EVC: variants seen among roughly 807,000 people sequenced by gnomAD.
EVC encodes the protein evC complex member EVC.
A neutral mutation model predicts 118.9 loss-of-function variants in EVC; 116 were observed. That is an observed-to-expected ratio of 0.98 (90% CI 0.84 to 1.14). The LOEUF (loss-of-function observed/expected upper bound fraction) is 1.14. Among genes scored for constraint, EVC ranks in the 50% most tolerant of loss-of-function variants. The pLI is 0.00. For synonymous variants in EVC, 619 were observed against 534.7 expected (o/e 1.16, Z -2.18); for missense variants, 1,401 against 1,246.4 (o/e 1.12, Z -1.87).
chr4:5,758,560 T>G (rs1338467214), intron 11 of EVC, among the ~76,000 whole-genome samples: 1 of 152,114 alleles, frequency 6.6e-6, no homozygotes, highest in East Asian at 1.9e-4. Context: ...AAGGAACAAC[T>G]TTGTCCCCAG....
chr4:5,736,156 G>A (rs779364957), intron 5 of EVC, among the ~76,000 whole-genome samples: 1 of 152,146 alleles, frequency 6.6e-6, no homozygotes, highest in Non-Finnish European at 1.5e-5. Flanking sequence ...AACAGATTGG[G>A]GGCATGGAGG....
At chr4:5,786,362 G>A (rs1711587272) in intron 12 of EVC, among the ~76,000 whole-genome samples, 1 of 152,158 alleles carries the variant, frequency 6.6e-6, no homozygotes. Flanking sequence ...AATAGACTAT[G>A]CTCAGCTCTG....
At chr4:5,758,330 G>C (rs1731502221) in intron 11 of EVC, 1 of 541,632 alleles carries the variant, frequency 1.8e-6, no homozygotes, top group Non-Finnish European at 3.3e-6. Context: ...GCGGCGCTTT[G>C]TCATGGCAGC....
rs953969152 is a variant in EVC at position 5,811,414 on chromosome 4, T to G, written c.*377T>G. ...AGGCCTGTCTGGGCCCATCTGGGGC[T>G]GAGGACACACAGATACATAATGACA... On this transcript the variant is annotated 3_prime_UTR_variant, in exon 21 of 21. Coordinates refer to ENST00000264956, the MANE Select transcript of EVC (RefSeq NM_153717.3). 3.2e-6 allele frequency: 1 copy of G among 314,266 alleles called. No individual in the cohort carries two copies. Among genetic ancestry groups the G allele is most frequent in the Non-Finnish European group, 6.1e-6 (1 of 164,064 alleles). 19.5% of individuals were successfully genotyped at this position (314,266 alleles called of 1,614,324 possible).
At chr4:5,761,900 G>C (rs1361262274) in intron 11 of EVC, among the ~76,000 whole-genome samples, 1 of 151,434 alleles carries the variant, frequency 6.6e-6, no homozygotes, top group African/African-American at 2.4e-5. Context: ...TGGCAGCTTA[G>C]AATTTTTTTT....
intron 2 of EVC, among the ~76,000 whole-genome samples, chr4:5,726,960 C>G (rs1254342459): frequency 4.6e-5 from 7 of 152,034 alleles, no homozygotes; most frequent in Admixed American, 3.3e-4. Context: ...TTTTCTTAAT[C>G]CAGTCTATCA....
chr4:5,825,387 CT>C, the EVC span: 1 of 1,467,304 alleles, frequency 6.8e-7, no homozygotes, highest in African/African-American at 1.5e-5. This position sits in a 1 kb window ranked among gnomAD's most constrained non-coding sequence, Gnocchi z 4.4. Context: ...TTCCCTGCTT[CT>C]TCATCTAGTG....
intron 5 of EVC, 106 bp from the exon 6 acceptor site, chr4:5,741,610 G>A: frequency 1.5e-6 from 1 of 672,556 alleles, no homozygotes; most frequent in East Asian, 2.8e-5. Context: ...AAGAAAAGAA[G>A]GAGAGAGGCA....
At chr4:5,825,703 G>T in the EVC span, 4 of 1,597,612 alleles carry the variant, frequency 2.5e-6, no homozygotes, top group South Asian at 3.4e-5. The surrounding 1 kb of genome is among the most constrained non-coding windows in gnomAD (Gnocchi z 4.4). Context: ...CACTGTGCAT[G>T]TGTGCCCTTC....
chr4:5,736,455 T>A (rs4689315), intron 5 of EVC, among the ~76,000 whole-genome samples: 6 of 151,746 alleles, frequency 4.0e-5, no homozygotes, highest in Admixed American at 6.6e-5. Context: ...ACTTTGTGCC[T>A]GCACACCTGG....
chr4:5,785,983 A>G (rs1254299828), intron 12 of EVC, among the ~76,000 whole-genome samples: 1 of 152,186 alleles, frequency 6.6e-6, no homozygotes, highest in Admixed American at 6.5e-5. Context: ...AAATGAGTGT[A>G]GGGGCCTTTT....
chr4:5,784,606 ATTTTTT>A (rs35237111), intron 12 of EVC, among the ~76,000 whole-genome samples: 4 of 111,218 alleles, frequency 3.6e-5, no homozygotes, highest in South Asian at 3.0e-4. Context: ...ATACACATTG[ATTTTTT>A]TTTTTTTTTT....
intron 18 of EVC, among the ~76,000 whole-genome samples, chr4:5,809,301 T>G (rs1716508242): frequency 6.6e-6 from 1 of 152,144 alleles, no homozygotes; most frequent in South Asian, 2.1e-4. Flanking sequence ...ACGGCCAGTG[T>G]GAGTGAGGAC....
chr4:5,733,309 G>A (rs771487366), intron 4 of EVC, 42 bp from the exon 5 acceptor site: 14 of 1,537,590 alleles, frequency 9.1e-6, no homozygotes, highest in Non-Finnish European at 1.3e-5. Flanking sequence ...CTTCATTTCC[G>A]ATACCCTGAA....
chr4:5,740,151 T>A (rs1728297472), intron 5 of EVC, among the ~76,000 whole-genome samples: 2 of 151,970 alleles, frequency 1.3e-5, no homozygotes, highest in African/African-American at 4.8e-5. Flanking sequence ...CATACTTAAA[T>A]GTAAACAGTA....
In EVC at chr4:5,809,993, A is replaced by T. The variant is rs542660521; in HGVS notation, c.2783-346A>T. On this transcript the variant is annotated intron_variant, in intron 19 of 20. Coordinates refer to ENST00000264956, the MANE Select transcript of EVC (RefSeq NM_153717.3). Reference sequence around the variant, plus strand: ...AGGTGGTGTGAGAACACAGAGATCTACTGAAACAAAAGCTGTCACACTGGT... The same window carrying T: ...AGGTGGTGTGAGAACACAGAGATCTTCTGAAACAAAAGCTGTCACACTGGT... Among the ~76,000 whole-genome samples, 117 of 152,316 alleles carry T rather than the reference A, an allele frequency of 7.7e-4. 1 individual carries two copies. Among genetic ancestry groups the T allele is most frequent in the African/African-American group, 2.7e-3 (113 of 41,572 alleles).
rs543720082 is a variant in EVC at position 5,742,750 on chromosome 4, A to G, written c.801+936A>G. On this transcript the variant is annotated intron_variant, in intron 6 of 20. Coordinates refer to ENST00000264956, the MANE Select transcript of EVC (RefSeq NM_153717.3). This position sits in a 1 kb window ranked among gnomAD's most constrained non-coding sequence, Gnocchi z 5.2. Reference sequence around the variant, plus strand: ...CATTACCACCATAATCATCATCACCATCCTTATTGCCATCACCACCACCAA... The same window carrying G: ...CATTACCACCATAATCATCATCACCGTCCTTATTGCCATCACCACCACCAA... Among the ~76,000 whole-genome samples the G allele has an allele frequency of 1.3e-5, 2 of 152,160 alleles. No homozygotes were observed. Among genetic ancestry groups the G allele is most frequent in the African/African-American group, 4.8e-5 (2 of 41,530 alleles).
At chr4:5,759,891 C>T (rs1473476644) in intron 11 of EVC, among the ~76,000 whole-genome samples, 2 of 152,184 alleles carry the variant, frequency 1.3e-5, no homozygotes, top group Non-Finnish European at 2.9e-5. Flanking sequence ...TGGTTTTATA[C>T]ATTTTAGGGA....
At chr4:5,718,231 A>G (rs1302306178) in intron 1 of EVC, among the ~76,000 whole-genome samples, 2 of 152,122 alleles carry the variant, frequency 1.3e-5, no homozygotes, top group African/African-American at 4.8e-5. Flanking sequence ...TTAGGTTCCT[A>G]CAAGCCTCTG....
Sources: allele counts gnomAD v4.1 joint callset (sites outside exome capture counted in the v4.1 genomes callset), GRCh38; gene constraint gnomAD v4.1.1; non-coding constraint Gnocchi (gnomAD v3.1); transcripts MANE v1.5; gene names NCBI Gene and HGNC (gene_info 2026-07-23, HGNC 2026-07-21).